The following TMEM131L variants were observed in gnomAD, a reference collection of about 807,000 sequenced individuals.
TMEM131L encodes the protein transmembrane 131 like, also known as transmembrane protein 131-like.
In TMEM131L, 54 loss-of-function variants were observed where a neutral mutation model predicts 192.2. That is an observed-to-expected ratio of 0.28 (90% confidence interval 0.23 to 0.35). The LOEUF is 0.35. Among genes scored for constraint, TMEM131L ranks in the 10% least tolerant of loss-of-function variants. The pLI is 1.00. For synonymous variants in TMEM131L, 701 were observed against 704.9 expected, an observed-to-expected ratio of 0.99 and a Z score of 0.09; for missense variants, 1,888 against 1,972.9, an observed-to-expected ratio of 0.96 and a Z score of 0.82.
rs1303777620 is a variant in TMEM131L, at chr4:153,634,232, A to T, written c.4369A>T (p.Ser1457Cys). 1 of 1,614,166 alleles carries T rather than the reference A, an allele frequency of 6.2e-7. No homozygotes were observed. Among genetic ancestry groups the T allele is most frequent in the Non-Finnish European group, 8.5e-7 (1 of 1,179,984 alleles). Residue 1457 changes from serine (S) to cysteine (C), a missense_variant, in exon 33 of 35, where the codon AGC (serine) becomes TGC (cysteine). By Grantham distance (112) the Ser-to-Cys change is moderately radical. Transcript: ENST00000409959. ...TGCAACATGCGAAGGCCAGTTTTCC[A>T]GCGCATACTGTCCATTGGAATTGAA... ...WSATCEGQFS[S>C]AYCPLELNDY...
chr4:153,473,791 C>G (rs148525170), intron 2 of TMEM131L, 54 bp from the exon 3 acceptor site: 1 of 1,472,720 alleles, frequency 6.8e-7, no homozygotes, highest in South Asian at 1.3e-5. Context: ...GACTCTGTCT[C>G]AAAAACAAAC....
chr4:153,589,067 C>G (rs1730891715), intron 16 of TMEM131L, 60 bp downstream of exon 16: 5 of 883,574 alleles, frequency 5.7e-6, no homozygotes, highest in East Asian at 2.4e-5. Context: ...ACAGTAGTCC[C>G]TCCTTACCTG....
intron 3 of TMEM131L, among the ~76,000 whole-genome samples, chr4:153,537,611 A>G (rs1035310291): frequency 3.9e-5 from 6 of 152,172 alleles, no homozygotes; most frequent in Admixed American, 3.9e-4. Context: ...GAGGACAACC[A>G]GAGGTCGCTC....
chr4:153,634,734 A>G (rs954482068), intron 33 of TMEM131L, among the ~76,000 whole-genome samples: 12 of 152,150 alleles, frequency 7.9e-5, no homozygotes, highest in African/African-American at 2.9e-4. Context: ...AGAAGCTTGG[A>G]GGGGAAATTG....
intron 2 of TMEM131L, among the ~76,000 whole-genome samples, chr4:153,467,921 T>G (rs1324038702): frequency 6.6e-6 from 1 of 152,230 alleles, no homozygotes; most frequent in African/African-American, 2.4e-5. Flanking sequence ...AGCTTTTAAC[T>G]TTTACAAGAA....
chr4:153,596,170 C>A, intron 19 of TMEM131L, 88 bp from the exon 20 acceptor site: 1 of 1,446,890 alleles, frequency 6.9e-7, no homozygotes, highest in Non-Finnish European at 9.5e-7. Context: ...AAAAGAGAAG[C>A]AATCGTGTTT....
intron 28 of TMEM131L, among the ~76,000 whole-genome samples, chr4:153,622,343 T>C (rs1048133199): frequency 6.6e-6 from 1 of 152,066 alleles, no homozygotes; most frequent in Admixed American, 6.6e-5. Context: ...TATGGGGTGG[T>C]GGGGGTTGCA....
Position 153,628,961 on chromosome 4 carries a change from C to G in TMEM131L, c.4207+1274C>G, listed in dbSNP as rs1734032321. ...CTGTGGGCCCATCACCTTTGTACTC[C>G]CTCACCTCCCTCACAGCCGTGTTTT... On this transcript the variant is annotated intron_variant, in intron 31 of 34. Coordinates refer to ENST00000409959, the MANE Select transcript of TMEM131L (RefSeq NM_001131007.2). Among the ~76,000 whole-genome samples the G allele has an allele frequency of 2.0e-5, 3 of 152,102 alleles. 1 individual carries two copies. The South Asian group carries it at 6.2e-4, about 31-fold the overall frequency.
chr4:153,489,415 T>C (rs1732605383), intron 3 of TMEM131L, among the ~76,000 whole-genome samples: 1 of 152,226 alleles, frequency 6.6e-6, no homozygotes, highest in Admixed American at 6.5e-5. Context: ...ATTATTTCTT[T>C]GTGTATCTGT....
intron 3 of TMEM131L, among the ~76,000 whole-genome samples, chr4:153,516,631 A>G (rs1470031886): frequency 6.6e-6 from 1 of 152,198 alleles, no homozygotes; most frequent in Non-Finnish European, 1.5e-5. Context: ...TCTTTAGGAT[A>G]CATTACTAGA....
intron 2 of TMEM131L, 80 bp downstream of exon 2, chr4:153,467,361 C>G (rs1730837768): frequency 1.6e-6 from 2 of 1,266,212 alleles, no homozygotes; most frequent in African/African-American, 1.5e-5. Context: ...TCCCCACCCC[C>G]TGTCCAAGCG....
intron 23 of TMEM131L, among the ~76,000 whole-genome samples, chr4:153,602,975 T>C (rs1443863333): frequency 6.6e-6 from 1 of 152,206 alleles, no homozygotes; most frequent in East Asian, 1.9e-4. Flanking sequence ...AGTGTGTTCA[T>C]AGGCAGTCAT....
chr4:153,575,143 A>G (rs75566541), intron 7 of TMEM131L, among the ~76,000 whole-genome samples: 2 of 152,326 alleles, frequency 1.3e-5, no homozygotes, highest in Admixed American at 6.5e-5. Context: ...TCTTGTTGAT[A>G]AGACATCAGA....
intron 26 of TMEM131L, among the ~76,000 whole-genome samples, chr4:153,617,644 T>G (rs758260122): frequency 1.2e-4 from 19 of 152,122 alleles, no homozygotes; most frequent in Non-Finnish European, 2.1e-4. Context: ...GTTCTGGAAA[T>G]GTAGAGGTAA....
At chr4:153,593,775 A>G in intron 18 of TMEM131L, 24 bp from the exon 19 acceptor site, 1 of 1,535,936 alleles carries the variant, frequency 6.5e-7, no homozygotes, top group Non-Finnish European at 9.0e-7. Context: ...GTGCTGTTTT[A>G]AACATTTGCT....
Position 153,501,943 on chromosome 4 carries a change from G to GTT in TMEM131L, c.239+28077_239+28078dup, listed in dbSNP as rs575832226. ...ACTTCCTGGAAGTATCCCCCAAAGG[G>GTT]TTTTTTTTTTTTTTTTTTTTTTTAA... On this transcript the variant is annotated intron_variant, in intron 3 of 34. Transcript: ENST00000409959. Among the ~76,000 whole-genome samples, 488 of 117,358 alleles carry GTT rather than the reference G, an allele frequency of 4.2e-3. 2 individuals are homozygous for GTT. The highest frequency in any genetic ancestry group is 0.011 in the African/African-American group (309 of 28,148). 77.0% of individuals were successfully genotyped at this position (117,358 alleles called of 152,430 possible). A position where few individuals can be genotyped will look rare whatever the true frequency, so the allele number is the denominator to read the frequency against.
At chr4:153,566,514 TGTGA>T (rs1485614949) in intron 7 of TMEM131L, among the ~76,000 whole-genome samples, 9 of 116,162 alleles carry the variant, frequency 7.7e-5, no homozygotes, top group Non-Finnish European at 1.5e-4. Flanking sequence ...TGTGTGTGAG[TGTGA>T]GTGTGTGTGT....
intron 3 of TMEM131L, among the ~76,000 whole-genome samples, chr4:153,490,810 C>T (rs1334782867): frequency 6.6e-6 from 1 of 151,780 alleles, no homozygotes; most frequent in Non-Finnish European, 1.5e-5. Flanking sequence ...AAATATTAGC[C>T]AGGTCTGGTG....
At chr4:153,510,869 G>C (rs1734304719) in intron 3 of TMEM131L, among the ~76,000 whole-genome samples, 1 of 151,466 alleles carries the variant, frequency 6.6e-6, no homozygotes, top group African/African-American at 2.4e-5. Flanking sequence ...CCTGGACAAT[G>C]TAGTGAGACC....
Sources: gnomAD v4.1 joint callset for allele counts (sites outside exome capture counted in the v4.1 genomes callset) on GRCh38, gnomAD v4.1.1 for gene constraint, MANE v1.5 for transcripts, NCBI Gene and HGNC (gene_info 2026-07-23, HGNC 2026-07-21) for gene names.